The following PAK5 variants were observed in gnomAD, a reference collection of about 807,000 sequenced individuals.
The protein encoded by PAK5 is serine/threonine-protein kinase PAK 5.
In PAK5, 16 loss-of-function variants were observed where a neutral mutation model predicts 65.9. The ratio of observed to expected loss-of-function variants is 0.24; its 90% CI spans 0.16 to 0.37. The LOEUF (loss-of-function observed/expected upper bound fraction) is 0.37. PAK5 is among the 10% of genes least tolerant of loss of function. The pLI is 1.00. For synonymous variants in PAK5, 371 were observed against 354.9 expected, an observed-to-expected ratio of 1.05 and a Z score of -0.51; for missense variants, 785 against 903.9, an observed-to-expected ratio of 0.87 and a Z score of 1.69.
At chr20:9,797,327 T>C (rs1395795670) in intron 1 of PAK5, among the ~76,000 whole-genome samples, 2 of 152,082 alleles carry the variant, frequency 1.3e-5, no homozygotes, top group South Asian at 2.1e-4. Context: ...TAAAAAATGA[T>C]GAGTTCATGT....
At chr20:9,735,895 A>T (rs948029927) in intron 1 of PAK5, among the ~76,000 whole-genome samples, 1 of 144,320 alleles carries the variant, frequency 6.9e-6, no homozygotes, top group South Asian at 2.2e-4. Flanking sequence ...AGCAATAGAA[A>T]CAATCTATTT....
intron 1 of PAK5, among the ~76,000 whole-genome samples, chr20:9,758,072 C>T (rs1258816071): frequency 6.6e-6 from 1 of 152,168 alleles, no homozygotes; most frequent in African/African-American, 2.4e-5. Context: ...TACTTCATAG[C>T]CTTATTTGGA....
intron 1 of PAK5, among the ~76,000 whole-genome samples, chr20:9,784,690 T>C (rs753478978): frequency 2.0e-5 from 3 of 151,948 alleles, no homozygotes; most frequent in Middle Eastern, 6.8e-3. Flanking sequence ...GGTTTGATAG[T>C]ATTAATATAG....
At chr20:9,699,780 C>T (rs2047916815) in intron 2 of PAK5, among the ~76,000 whole-genome samples, 1 of 152,040 alleles carries the variant, frequency 6.6e-6, no homozygotes, top group Non-Finnish European at 1.5e-5. Flanking sequence ...CATGGGGAAT[C>T]AGAGTGCCTT....
At chr20:9,797,360 G>A (rs1006686407) in intron 1 of PAK5, among the ~76,000 whole-genome samples, 1 of 151,846 alleles carries the variant, frequency 6.6e-6, no homozygotes, top group Non-Finnish European at 1.5e-5. Flanking sequence ...CATGGATGAA[G>A]CTGGAAACCA....
At chr20:9,614,031 G>A (rs763434113) in intron 3 of PAK5, among the ~76,000 whole-genome samples, 23 of 152,208 alleles carry the variant, frequency 1.5e-4, no homozygotes, top group Admixed American at 4.6e-4. Flanking sequence ...GCTATGGCAC[G>A]GATGTTGGAA....
At chr20:9,616,109 A>T (rs1032530186) in intron 3 of PAK5, among the ~76,000 whole-genome samples, 1 of 152,208 alleles carries the variant, frequency 6.6e-6, no homozygotes, top group Non-Finnish European at 1.5e-5. Flanking sequence ...TGTCAAAGAC[A>T]CTGTGGCTAA....
chr20:9,790,751 G>A (rs568545311), intron 1 of PAK5, among the ~76,000 whole-genome samples: 5 of 152,112 alleles, frequency 3.3e-5, no homozygotes, highest in East Asian at 3.9e-4. Context: ...TTCCCATCTC[G>A]GCCTCCCAAA....
rs142802744 is a variant in PAK5, at chr20:9,648,592, G to C, written c.-11-4253C>G. ...AGCCAAGGGCCAACCTTGCAAATAG[G>C]CTTTTTTTCTAGGATATGCATCCTG... On this transcript the variant is annotated intron_variant, in intron 2 of 9. Transcript: ENST00000353224. Among the ~76,000 whole-genome samples the C allele has an allele frequency of 7.9e-4, 120 of 152,108 alleles. 1 individual carries two copies. The highest frequency in any genetic ancestry group is 2.7e-3 in the African/African-American group (114 of 41,478).
intron 2 of PAK5, among the ~76,000 whole-genome samples, chr20:9,650,720 G>C (rs1379406936): frequency 6.6e-6 from 1 of 151,856 alleles, no homozygotes; most frequent in Non-Finnish European, 1.5e-5. Flanking sequence ...TCTGCTTCCC[G>C]CCAGGACTCT....
intron 1 of PAK5, among the ~76,000 whole-genome samples, chr20:9,722,629 A>T (rs8115735): frequency 0.26 from 38,765 of 151,960 alleles, 5,627 homozygotes; most frequent in East Asian, 0.49. Flanking sequence ...ATAAATAAAT[A>T]AATTAATTTT....
intron 3 of PAK5, among the ~76,000 whole-genome samples, chr20:9,586,117 C>T (rs538512490): frequency 6.6e-6 from 1 of 152,256 alleles, no homozygotes; most frequent in South Asian, 2.1e-4. Context: ...CTGCTCATAT[C>T]AAATTGGTAT....
intron 6 of PAK5, among the ~76,000 whole-genome samples, chr20:9,560,505 A>G (rs2045575471): frequency 6.6e-6 from 1 of 152,112 alleles, no homozygotes; most frequent in South Asian, 2.1e-4. Context: ...GACTACAGGG[A>G]CATGCCACCA....
intron 1 of PAK5, among the ~76,000 whole-genome samples, chr20:9,742,450 A>G (rs1305401668): frequency 6.6e-6 from 1 of 152,190 alleles, no homozygotes; most frequent in Admixed American, 6.5e-5. Flanking sequence ...CTTGTGCAAT[A>G]AAAGCATCTA....
intron 3 of PAK5, among the ~76,000 whole-genome samples, chr20:9,634,287 G>A (rs2123237159): frequency 6.6e-6 from 1 of 152,288 alleles, no homozygotes; most frequent in East Asian, 1.9e-4. Context: ...CCTGCCAAGA[G>A]GCCTGGAGGT....
At chr20:9,565,256 A>C (rs934920851) in intron 5 of PAK5, among the ~76,000 whole-genome samples, 4 of 152,198 alleles carry the variant, frequency 2.6e-5, no homozygotes, top group African/African-American at 9.6e-5. Context: ...AAAATATAGA[A>C]AGGAAACACT....
intron 1 of PAK5, among the ~76,000 whole-genome samples, chr20:9,785,913 G>A (rs2048987876): frequency 6.6e-6 from 1 of 152,052 alleles, no homozygotes; most frequent in Admixed American, 6.6e-5. Context: ...AGAATAGACT[G>A]ACCCACATAT....
intron 2 of PAK5, among the ~76,000 whole-genome samples, chr20:9,654,137 C>G (rs2047236688): frequency 6.6e-6 from 1 of 151,914 alleles, no homozygotes; most frequent in African/African-American, 2.4e-5. Flanking sequence ...CGATGCCCAG[C>G]TAATTTTTAT....
intron 2 of PAK5, among the ~76,000 whole-genome samples, chr20:9,662,495 T>C (rs1291928486): frequency 6.6e-6 from 1 of 152,166 alleles, no homozygotes; most frequent in Non-Finnish European, 1.5e-5. Context: ...TGACTTATCC[T>C]GGCCAATAGC....
Sources: gnomAD v4.1 joint callset for allele counts (sites outside exome capture counted in the v4.1 genomes callset) on GRCh38, gnomAD v4.1.1 for gene constraint, MANE v1.5 for transcripts, NCBI Gene and HGNC (gene_info 2026-07-23, HGNC 2026-07-21) for gene names.